The following SYN3 variants were observed in gnomAD, a reference collection of about 807,000 sequenced individuals.
The protein encoded by SYN3 is synapsin-3.
SYN3 carries 35 observed loss-of-function variants against 65.8 expected under a neutral mutation model. That is an observed-to-expected ratio of 0.53 (90% CI 0.41 to 0.70). The LOEUF (loss-of-function observed/expected upper bound fraction) is 0.70, where lower values mean the gene tolerates loss of function less well. SYN3 is among the 30% of genes least tolerant of loss of function. SYN3 has a pLI of 0.00. For synonymous variants in SYN3, 270 were observed against 292.9 expected (o/e 0.92, Z 0.80); for missense variants, 680 against 749.0 (o/e 0.91, Z 1.08).
intron 7 of SYN3, among the ~76,000 whole-genome samples, chr22:32,569,571 CTATA>C (rs1555898682): frequency 1.2e-4 from 11 of 90,928 alleles, no homozygotes; most frequent in Non-Finnish European, 2.2e-4. Context: ...CTCTCTCTCT[CTATA>C]TATATATATA....
At chr22:32,517,311 T>C (rs2710369) in intron 13 of SYN3, among the ~76,000 whole-genome samples, 39,855 of 152,136 alleles carry the variant, frequency 0.26, 6,929 homozygotes, top group African/African-American at 0.5. Flanking sequence ...AGTTCTACCA[T>C]GTAAGAAAGC....
At chr22:32,710,111 A>ATATGTGTGTGTG (rs71320949) in intron 6 of SYN3, among the ~76,000 whole-genome samples, 6 of 135,288 alleles carry the variant, frequency 4.4e-5, no homozygotes, top group Non-Finnish European at 8.0e-5. Flanking sequence ...GTGTGTGTGT[A>ATATGTGTGTGTG]TGTGTGTGTG....
chr22:32,722,206 T>C (rs548016199), intron 6 of SYN3, among the ~76,000 whole-genome samples: 1 of 152,202 alleles, frequency 6.6e-6, no homozygotes, highest in Admixed American at 6.5e-5. Flanking sequence ...TGCCTTTGGT[T>C]GTGTCAAGGG....
chr22:32,708,365 C>T (rs536472669), intron 6 of SYN3, among the ~76,000 whole-genome samples: 11 of 152,322 alleles, frequency 7.2e-5, no homozygotes, highest in African/African-American at 1.9e-4. Context: ...GCACTCCAGG[C>T]GGCCCATTCC....
At chr22:32,607,274 T>C (rs919840628) in intron 6 of SYN3, among the ~76,000 whole-genome samples, 16 of 152,178 alleles carry the variant, frequency 1.1e-4, no homozygotes, top group African/African-American at 3.9e-4. Context: ...CTCTCCTGAA[T>C]GACAGACCTG....
At chr22:33,016,097 C>T (rs1187445550) in intron 1 of SYN3, among the ~76,000 whole-genome samples, 4 of 152,104 alleles carry the variant, frequency 2.6e-5, no homozygotes, top group Admixed American at 1.3e-4. Context: ...CCACTCGCCT[C>T]GGCCTCCCAA....
chr22:32,672,324 AAAAAT>A (rs1244943599), intron 6 of SYN3, among the ~76,000 whole-genome samples: 72 of 152,248 alleles, frequency 4.7e-4, no homozygotes, highest in African/African-American at 1.6e-3. Context: ...CTATCTGGCA[AAAAAT>A]AAAATAAAAT....
At chr22:32,834,515 A>G (rs2047674066) in intron 6 of SYN3, among the ~76,000 whole-genome samples, 1 of 152,102 alleles carries the variant, frequency 6.6e-6, no homozygotes, top group Admixed American at 6.5e-5. Context: ...AAGAAGTGTC[A>G]CATGCAGCCA....
At chr22:32,753,897 G>A (rs2045216012) in intron 6 of SYN3, among the ~76,000 whole-genome samples, 2 of 152,228 alleles carry the variant, frequency 1.3e-5, no homozygotes, top group African/African-American at 4.8e-5. Flanking sequence ...TCACGTGCTT[G>A]TGTGGAATTC....
intron 6 of SYN3, among the ~76,000 whole-genome samples, chr22:32,853,996 C>G (rs755868698): frequency 6.6e-6 from 1 of 152,144 alleles, no homozygotes; most frequent in East Asian, 1.9e-4. Flanking sequence ...GATTAGATTA[C>G]CTTTAACATC....
At position 32,511,755 on chromosome 22, in the gene SYN3, A is replaced by G. The variant is rs576301179; in HGVS notation, c.*1937T>C. Among the ~76,000 whole-genome samples the G allele has an allele frequency of 1.3e-4, 20 of 152,316 alleles. No individual in the cohort carries two copies. The highest frequency in any genetic ancestry group is 4.6e-4 in the African/African-American group (19 of 41,554). Reference sequence around the variant, plus strand: ...TCCAGCTGCCAAATTATGGCTCCCAATAGTCACTGGCAATTGGACCTATCT... The same window carrying G: ...TCCAGCTGCCAAATTATGGCTCCCAGTAGTCACTGGCAATTGGACCTATCT... On this transcript the variant is annotated 3_prime_UTR_variant, in exon 14 of 14. Coordinates refer to ENST00000358763, the MANE Select transcript of SYN3 (RefSeq NM_003490.4).
At position 32,857,997 on chromosome 22, in the gene SYN3, TTTC is replaced by T. The variant is rs773913795; in HGVS notation, c.711+6915_711+6917del. The T allele has an allele frequency of 6.2e-7, 1 of 1,614,096 alleles. No homozygotes were observed. The highest frequency in any genetic ancestry group is 8.5e-7 in the Non-Finnish European group (1 of 1,179,990). ...TCTGGACAAAACAACCTCTCCTTGT[TTTC>T]TTCTTTCCTCCTGTAGGTCGCGTCT... On this transcript the variant is annotated intron_variant, in intron 6 of 13. Transcript: ENST00000358763.
intron 3 of SYN3, among the ~76,000 whole-genome samples, chr22:32,959,548 C>T (rs912226684): frequency 6.7e-6 from 1 of 150,232 alleles, no homozygotes; most frequent in Admixed American, 6.6e-5. Flanking sequence ...GAGACACTGT[C>T]TCAGAAAAAA....
intron 10 of SYN3, chr22:32,529,997 T>C (rs2058043567): frequency 1.3e-5 from 2 of 152,350 alleles, no homozygotes. Flanking sequence ...CCCTCTCTGA[T>C]AGTGCAAGCT....
At chr22:32,604,038 G>A (rs1440066258) in intron 6 of SYN3, among the ~76,000 whole-genome samples, 1 of 152,242 alleles carries the variant, frequency 6.6e-6, no homozygotes, top group Non-Finnish European at 1.5e-5. Context: ...AGAGATGGGA[G>A]TGGAAGCCCA....
chr22:32,857,424 A>G, intron 6 of SYN3: 3 of 1,214,654 alleles, frequency 2.5e-6, no homozygotes, highest in Non-Finnish European at 3.7e-6. Flanking sequence ...TTGACTTCAG[A>G]AGAACACATA....
intron 1 of SYN3, chr22:33,057,689 T>A (rs1479136865): frequency 6.6e-6 from 1 of 152,408 alleles, no homozygotes; most frequent in Non-Finnish European, 1.5e-5. Flanking sequence ...TTGGCACAGT[T>A]CCTGGCACTC....
chr22:32,673,690 G>A (rs2060402718), intron 6 of SYN3, among the ~76,000 whole-genome samples: 1 of 152,210 alleles, frequency 6.6e-6, no homozygotes, highest in Middle Eastern at 3.2e-3. Context: ...TAGGATGAAG[G>A]AGGGGCAGAG....
intron 6 of SYN3, among the ~76,000 whole-genome samples, chr22:32,835,407 T>C (rs1306950649): frequency 6.6e-6 from 1 of 152,050 alleles, no homozygotes; most frequent in Non-Finnish European, 1.5e-5. Flanking sequence ...TACGAACATA[T>C]AGTTACATAC....
Sources: allele counts gnomAD v4.1 joint callset (sites outside exome capture counted in the v4.1 genomes callset), GRCh38; gene constraint gnomAD v4.1.1; transcripts MANE v1.5; gene names NCBI Gene and HGNC (gene_info 2026-07-23, HGNC 2026-07-21).